DNAJC24: variants seen among roughly 807,000 people sequenced by gnomAD.
The protein encoded by DNAJC24 is DnaJ heat shock protein family (Hsp40) member C24.
DNAJC24 carries 17 observed loss-of-function variants against 18.0 expected under a neutral mutation model. The observed-to-expected ratio is 0.94, with a 90% confidence interval of 0.65 to 1.42. DNAJC24 has a LOEUF of 1.42. Among genes scored for constraint, DNAJC24 ranks in the 40% most tolerant of loss-of-function variants. The pLI is 0.00. For missense variants in DNAJC24, 158 were observed against 175.6 expected (o/e 0.90, Z 0.57); for synonymous variants, 55 against 57.7 (o/e 0.95, Z 0.21).
chr11:31,424,211 A>G (rs949302682), intron 3 of DNAJC24, among the ~76,000 whole-genome samples: 1 of 152,204 alleles, frequency 6.6e-6, no homozygotes, highest in African/African-American at 2.4e-5. Context: ...AAGCTGATTC[A>G]TCTTGTCATT....
rs1476213238 is a variant in DNAJC24, at chr11:31,370,734, CT to C, written c.-13del. On this transcript the variant is annotated 5_prime_UTR_variant, in exon 2 of 5. Transcript: ENST00000465995. ...TATTCAGCTAATCTGAGAAGGCCCA[CT>C]TCTGGTTCCATGGATGATGGCGGTT... is the stretch of plus-strand genomic sequence containing the variant. 1 of 1,580,052 alleles carries C rather than the reference CT, an allele frequency of 6.3e-7. No individual in the cohort carries two copies. The highest frequency in any genetic ancestry group is 1.4e-5 in the African/African-American group (1 of 73,664).
intron 2 of DNAJC24, among the ~76,000 whole-genome samples, chr11:31,385,322 C>T (rs530647080): frequency 2.8e-4 from 43 of 152,268 alleles, no homozygotes; most frequent in African/African-American, 9.1e-4. Context: ...TTACAGTGAC[C>T]TTTTTGATTT....
At chr11:31,425,433 T>G (rs1038356195) in intron 3 of DNAJC24, among the ~76,000 whole-genome samples, 6 of 152,160 alleles carry the variant, frequency 3.9e-5, no homozygotes, top group African/African-American at 1.4e-4. Flanking sequence ...TACCATAGAC[T>G]AGGTGGCATA....
intron 3 of DNAJC24, chr11:31,415,233 T>C: frequency 4.0e-6 from 1 of 248,672 alleles, no homozygotes; most frequent in Non-Finnish European, 7.6e-6. Flanking sequence ...ACTAATATGC[T>C]TTATATGTTT....
chr11:31,430,196 C>T (rs1006797375), intron 4 of DNAJC24, 75 bp from the exon 5 acceptor site: 4 of 1,318,632 alleles, frequency 3.0e-6, no homozygotes, highest in African/African-American at 1.5e-5. Context: ...ATGGAATAAA[C>T]TCTGCACCTT....
chr11:31,430,499 C>A lies in DNAJC24; in HGVS notation c.*98C>A. On this transcript the variant is annotated 3_prime_UTR_variant, in exon 5 of 5. Coordinates refer to ENST00000465995, the MANE Select transcript of DNAJC24 (RefSeq NM_181706.5). Reference sequence around the variant, plus strand: ...CAAGGAAATGGATTATTTGTCAGCCCGATTATTTGCAAAGAAAATATACAA... The same window carrying A: ...CAAGGAAATGGATTATTTGTCAGCCAGATTATTTGCAAAGAAAATATACAA... 2 of 1,056,072 alleles carry A rather than the reference C, an allele frequency of 1.9e-6. No individual in the cohort carries two copies. The highest frequency in any genetic ancestry group is 2.9e-5 in the Admixed American group (1 of 34,704). 65.4% of individuals were successfully genotyped at this position (1,056,072 alleles called of 1,614,324 possible). A position where few individuals can be genotyped will look rare whatever the true frequency, so the allele number is the denominator to read the frequency against.
chr11:31,425,559 G>A (rs1952852845), intron 3 of DNAJC24, among the ~76,000 whole-genome samples: 1 of 152,106 alleles, frequency 6.6e-6, no homozygotes, highest in East Asian at 1.9e-4. Flanking sequence ...CCTTCTTGCT[G>A]TGCCTTCATA....
chr11:31,391,481 G>T (rs1032729041), intron 2 of DNAJC24, among the ~76,000 whole-genome samples: 2 of 152,110 alleles, frequency 1.3e-5, no homozygotes, highest in African/African-American at 4.8e-5. Flanking sequence ...ATGTACAAAT[G>T]GCAAACAGGT....
intron 4 of DNAJC24, chr11:31,426,806 TGA>T (rs1429749988): frequency 2.2e-5 from 3 of 134,254 alleles, no homozygotes; most frequent in African/African-American, 9.9e-5. Flanking sequence ...TTAAGAGGCT[TGA>T]TTTTTTTTTT....
At chr11:31,421,931 G>C (rs766180681) in intron 3 of DNAJC24, 1 of 436,084 alleles carries the variant, frequency 2.3e-6, no homozygotes. Flanking sequence ...CAGTGTGAAA[G>C]AATCTCCGTA....
At chr11:31,417,298 A>G (rs888528073) in intron 3 of DNAJC24, 3 of 152,038 alleles carry the variant, frequency 2.0e-5, no homozygotes, top group Admixed American at 6.6e-5. Flanking sequence ...TACCAGAGCT[A>G]TTTTTCAAAA....
At chr11:31,408,031 T>C (rs1952672660) in intron 2 of DNAJC24, 1 of 450,278 alleles carries the variant, frequency 2.2e-6, no homozygotes, top group Non-Finnish European at 4.5e-6. Context: ...TTGACATTTA[T>C]GATTAGTGAA....
intron 2 of DNAJC24, among the ~76,000 whole-genome samples, chr11:31,391,834 A>C (rs1952499303): frequency 4.6e-5 from 7 of 152,250 alleles, no homozygotes; most frequent in Admixed American, 4.6e-4. Flanking sequence ...CACAATAGCC[A>C]AGATTTGGAA....
At chr11:31,393,566 G>T (rs899793833) in intron 2 of DNAJC24, among the ~76,000 whole-genome samples, 1 of 151,980 alleles carries the variant, frequency 6.6e-6, no homozygotes, top group Non-Finnish European at 1.5e-5. Flanking sequence ...ACTCTCTCTT[G>T]GCCCATATCC....
chr11:31,400,582 C>T (rs1952591053), intron 2 of DNAJC24, among the ~76,000 whole-genome samples: 1 of 152,172 alleles, frequency 6.6e-6, no homozygotes, highest in Non-Finnish European at 1.5e-5. Context: ...CACACATCTA[C>T]AACCATCTGA....
At chr11:31,392,390 C>G (rs1952505903) in intron 2 of DNAJC24, among the ~76,000 whole-genome samples, 1 of 151,978 alleles carries the variant, frequency 6.6e-6, no homozygotes, top group Non-Finnish European at 1.5e-5. Flanking sequence ...AGTATGTACT[C>G]ATAAAAATTA....
At chr11:31,410,069 A>AG (rs60731075) in intron 2 of DNAJC24, among the ~76,000 whole-genome samples, 152,152 of 152,154 alleles carry the variant, frequency 1, 76,075 homozygotes, top group Middle Eastern at 1. Flanking sequence ...TTTTTAGTAA[A>AG]ACTGGGTTTC....
At position 31,432,267 on chromosome 11, in the gene DNAJC24, C is replaced by T. The variant is rs553932330; in HGVS notation, c.*1866C>T. 3 of 451,804 alleles carry T rather than the reference C, an allele frequency of 6.6e-6. No individual in the cohort carries two copies. Among genetic ancestry groups the T allele is most frequent in the African/African-American group, 4.0e-5 (2 of 49,890 alleles). 28.0% of individuals were successfully genotyped at this position (451,804 alleles called of 1,614,324 possible). A position where few individuals can be genotyped will look rare whatever the true frequency, so the allele number is the denominator to read the frequency against. ...AGGTAGTCATCCAGGTTCCCCCTCC[C>T]ACAATATTTTTGTATCATAAAATTT... On this transcript the variant is annotated 3_prime_UTR_variant, in exon 5 of 5. Coordinates refer to ENST00000465995, the MANE Select transcript of DNAJC24 (RefSeq NM_181706.5).
At chr11:31,396,344 A>G (rs1483854135) in intron 2 of DNAJC24, 1 of 451,306 alleles carries the variant, frequency 2.2e-6, no homozygotes, top group South Asian at 1.6e-5. Context: ...GACCCTCTTC[A>G]CTTACAAGGA....
Sources: allele counts gnomAD v4.1 joint callset (sites outside exome capture counted in the v4.1 genomes callset), GRCh38; gene constraint gnomAD v4.1.1; transcripts MANE v1.5; gene names NCBI Gene and HGNC (gene_info 2026-07-23, HGNC 2026-07-21).